The following CRPPA variants were observed in gnomAD, a reference collection of about 807,000 sequenced individuals.
The protein encoded by CRPPA is CDP-L-ribitol pyrophosphorylase A.
A neutral mutation model predicts 52.0 loss-of-function variants in CRPPA; 43 were observed. That is an observed-to-expected ratio of 0.83 (90% CI 0.65 to 1.07). CRPPA has a LOEUF of 1.07. Among genes scored for constraint, CRPPA ranks in the 50% least tolerant of loss-of-function variants. The pLI, the probability that CRPPA is intolerant of heterozygous loss-of-function variation, is 0.00. For missense variants in CRPPA, 629 were observed against 551.7 expected (o/e 1.14, Z -1.40); for synonymous variants, 250 against 203.5 (o/e 1.23, Z -1.94).
At chr7:16,139,111 C>G (rs1047357131) in intron 9 of CRPPA, among the ~76,000 whole-genome samples, 3 of 151,992 alleles carry the variant, frequency 2.0e-5, no homozygotes, top group Non-Finnish European at 4.4e-5. Flanking sequence ...CAATTTACCC[C>G]CTTTATGAGC....
intron 3 of CRPPA, among the ~76,000 whole-genome samples, chr7:16,322,299 T>G (rs948709260): frequency 6.6e-6 from 1 of 152,146 alleles, no homozygotes; most frequent in Non-Finnish European, 1.5e-5. Flanking sequence ...TAGAAGATAA[T>G]TTAATCAATT....
chr7:16,302,858 T>C (rs1257060235), intron 4 of CRPPA, among the ~76,000 whole-genome samples: 5 of 152,172 alleles, frequency 3.3e-5, no homozygotes, highest in South Asian at 2.1e-4. Context: ...TTTTTCATTA[T>C]AGAGTGTTGT....
At position 16,343,409 on chromosome 7, in the gene CRPPA, G is replaced by A. The variant is rs113408982; in HGVS notation, c.684+32683C>T. Reference sequence around the variant, plus strand: ...GGCATTGTACAATTACAGTAAAACCGGAAGCCTAGTAGCCAATGAAAAAAG... The same window carrying A: ...GGCATTGTACAATTACAGTAAAACCAGAAGCCTAGTAGCCAATGAAAAAAG... On this transcript the variant is annotated intron_variant, in intron 3 of 9. Transcript: ENST00000407010. Among the ~76,000 whole-genome samples, 1,306 of 152,132 alleles carry A rather than the reference G, an allele frequency of 8.6e-3. 12 individuals carry two copies. The highest frequency in any genetic ancestry group is 0.014 in the Non-Finnish European group (928 of 68,014).
chr7:16,089,183 T>G lies in CRPPA; in HGVS notation c.*2512A>C, dbSNP rs886062152. On this transcript the variant is annotated 3_prime_UTR_variant, in exon 10 of 10. Coordinates refer to ENST00000407010, the MANE Select transcript of CRPPA (RefSeq NM_001101426.4). Reference sequence around the variant, plus strand: ...AAAAATACATATATACGTACGTATATACATATATGTGTGTATATACGTACG... The same window carrying G: ...AAAAATACATATATACGTACGTATAGACATATATGTGTGTATATACGTACG... The G allele has an allele frequency of 9.3e-6, 3 of 321,174 alleles. No homozygotes were observed. In the East Asian group the frequency reaches 2.3e-4, roughly 25 times the overall value. The allele number at this position is 321,174 out of a possible 1,614,324, so 19.9% of individuals were successfully genotyped here.
At chr7:16,203,965 C>T (rs992029621) in intron 9 of CRPPA, among the ~76,000 whole-genome samples, 1 of 152,026 alleles carries the variant, frequency 6.6e-6, no homozygotes, top group Admixed American at 6.6e-5. Context: ...ATTCATGTTA[C>T]AAAAACAAAG....
chr7:16,258,364 G>C (rs1321262734), intron 8 of CRPPA, 26 bp downstream of exon 8: 6 of 1,429,990 alleles, frequency 4.2e-6, no homozygotes, highest in Non-Finnish European at 5.8e-6. Flanking sequence ...ATAAGTTTGA[G>C]AAAAATCTGC....
chr7:16,359,048 G>A (rs1222631735), intron 3 of CRPPA, among the ~76,000 whole-genome samples: 1 of 152,184 alleles, frequency 6.6e-6, no homozygotes, highest in Non-Finnish European at 1.5e-5. Context: ...TTTCAGACCT[G>A]ACTAATTTCT....
intron 9 of CRPPA, among the ~76,000 whole-genome samples, chr7:16,181,596 T>C (rs1357073749): frequency 6.6e-6 from 1 of 152,146 alleles, no homozygotes; most frequent in East Asian, 1.9e-4. Flanking sequence ...TTATTTTCAT[T>C]GCTATAATCC....
At chr7:16,399,506 A>ATG (rs1787733907) in intron 2 of CRPPA, among the ~76,000 whole-genome samples, 3 of 107,412 alleles carry the variant, frequency 2.8e-5, no homozygotes, top group Admixed American at 1.8e-4. Context: ...CTCGTGACCA[A>ATG]CGTGACCAGA....
At chr7:16,231,812 C>T (rs1001564810) in intron 8 of CRPPA, among the ~76,000 whole-genome samples, 10 of 152,094 alleles carry the variant, frequency 6.6e-5, no homozygotes, top group Non-Finnish European at 1.3e-4. Flanking sequence ...CTATATAAAA[C>T]AATGTTTTTT....
At chr7:16,259,914 A>G (rs1783750616) in intron 6 of CRPPA, among the ~76,000 whole-genome samples, 2 of 152,014 alleles carry the variant, frequency 1.3e-5, no homozygotes, top group Non-Finnish European at 2.9e-5. Flanking sequence ...GAGAATGAGA[A>G]AGGAAAGTTT....
At chr7:16,293,582 T>C (rs1373283578) in intron 5 of CRPPA, among the ~76,000 whole-genome samples, 2 of 151,708 alleles carry the variant, frequency 1.3e-5, no homozygotes, top group Non-Finnish European at 2.9e-5. Context: ...AGGCAGTAAA[T>C]AAAGGAAGGA....
At chr7:16,180,797 C>T (rs549088212) in intron 9 of CRPPA, among the ~76,000 whole-genome samples, 4 of 151,918 alleles carry the variant, frequency 2.6e-5, no homozygotes, top group East Asian at 1.9e-4. Flanking sequence ...ATTATGTCTA[C>T]GTATGTTATC....
intron 8 of CRPPA, among the ~76,000 whole-genome samples, chr7:16,257,300 G>C (rs895151018): frequency 6.6e-6 from 1 of 152,084 alleles, no homozygotes; most frequent in African/African-American, 2.4e-5. Context: ...AATGTGGAGA[G>C]AGGAATAAAA....
At chr7:16,232,741 T>C (rs369781370) in intron 8 of CRPPA, among the ~76,000 whole-genome samples, 9 of 152,240 alleles carry the variant, frequency 5.9e-5, no homozygotes, top group African/African-American at 2.2e-4. Context: ...TTTAATTACT[T>C]ACATCTGGAA....
In CRPPA at chr7:16,376,124, G is replaced by C; in HGVS notation, c.652C>G (p.Leu218Val). The C allele has an allele frequency of 2.5e-6, 4 of 1,607,912 alleles. No homozygotes were observed. Among genetic ancestry groups the C allele is most frequent in the Non-Finnish European group, 3.4e-6 (4 of 1,177,112 alleles). ...HRASEMPQAF[L>V]FDVIYEAYQQ... is the part of the protein sequence containing the mutation. Reference sequence around the variant, plus strand: ...TATGCTTCATAAATCACATCAAATAGAAAAGCTTGGGGCATTTCACTTGCT... The same window carrying C: ...TATGCTTCATAAATCACATCAAATACAAAAGCTTGGGGCATTTCACTTGCT... Residue 218 changes from leucine to valine, a missense_variant, in exon 3 of 10, where the codon CTA becomes GTA. Coordinates refer to ENST00000407010, the MANE Select transcript of CRPPA (RefSeq NM_001101426.4).
intron 5 of CRPPA, among the ~76,000 whole-genome samples, chr7:16,285,594 G>T (rs1394570530): frequency 6.6e-6 from 1 of 152,044 alleles, no homozygotes; most frequent in African/African-American, 2.4e-5. Flanking sequence ...GAAAATTCAT[G>T]CCAGAATATA....
chr7:16,176,830 T>C (rs1297621359), intron 9 of CRPPA, among the ~76,000 whole-genome samples: 1 of 152,132 alleles, frequency 6.6e-6, no homozygotes. Context: ...TGGAAACATA[T>C]GATCATATAA....
At chr7:16,267,883 C>G (rs1185291014) in intron 6 of CRPPA, among the ~76,000 whole-genome samples, 1 of 151,956 alleles carries the variant, frequency 6.6e-6, no homozygotes, top group Non-Finnish European at 1.5e-5. Context: ...AACTATATAG[C>G]ATTTATATTG....
Sources: gnomAD v4.1 joint callset for allele counts (sites outside exome capture counted in the v4.1 genomes callset) on GRCh38, gnomAD v4.1.1 for gene constraint, MANE v1.5 for transcripts, NCBI Gene and HGNC (gene_info 2026-07-23, HGNC 2026-07-21) for gene names.